RAD51B: variants seen among roughly 807,000 people sequenced by gnomAD.
RAD51B encodes the protein DNA repair protein RAD51 homolog 2.
In RAD51B, 38 loss-of-function variants were observed where a neutral mutation model predicts 42.2. That is an observed-to-expected ratio of 0.90 (90% CI 0.70 to 1.18). The LOEUF (loss-of-function observed/expected upper bound fraction) is 1.18. Among genes scored for constraint, RAD51B ranks in the 50% most tolerant of loss-of-function variants. The probability of loss-of-function intolerance (pLI) is 0.00; values close to 1 mark genes in which losing one functional copy is unlikely to be tolerated. For synonymous variants in RAD51B, 154 were observed against 145.2 expected (o/e 1.06, Z -0.43); for missense variants, 373 against 400.7 (o/e 0.93, Z 0.59).
At chr14:68,570,241 CA>C (rs1035771027) in intron 10 of RAD51B, among the ~76,000 whole-genome samples, 1 of 152,160 alleles carries the variant, frequency 6.6e-6, no homozygotes, top group African/African-American at 2.4e-5. Context: ...AGGGACTACC[CA>C]GAGGGCTGTC....
intron 8 of RAD51B, among the ~76,000 whole-genome samples, chr14:68,376,264 C>G (rs1297653258): frequency 1.3e-5 from 2 of 152,164 alleles, no homozygotes; most frequent in African/African-American, 4.8e-5. Flanking sequence ...TCTACGACCT[C>G]ATGAACCCAT....
chr14:68,613,536 T>C (rs1891755456), downstream of RAD51B, among the ~76,000 whole-genome samples: 1 of 151,396 alleles, frequency 6.6e-6, no homozygotes, highest in Non-Finnish European at 1.5e-5. Flanking sequence ...TCACTGCAAG[T>C]TCTGCCTCCC....
At chr14:68,503,778 C>T (rs1885088982) in intron 10 of RAD51B, among the ~76,000 whole-genome samples, 1 of 152,204 alleles carries the variant, frequency 6.6e-6, no homozygotes, top group East Asian at 1.9e-4. Flanking sequence ...ACGCAGGCCT[C>T]TTCCACCCTG....
chr14:68,571,098 A>G (rs981161547), intron 10 of RAD51B, among the ~76,000 whole-genome samples: 1 of 152,204 alleles, frequency 6.6e-6, no homozygotes, highest in African/African-American at 2.4e-5. Context: ...GGGGGGAGGC[A>G]GAGACTGTCA....
chr14:68,612,862 G>A (rs1285303545), downstream of RAD51B, among the ~76,000 whole-genome samples: 1 of 150,136 alleles, frequency 6.7e-6, no homozygotes, highest in African/African-American at 2.4e-5. Context: ...GGGAAGGGAG[G>A]AAGGGGGAGG....
At chr14:68,009,924 GT>G (rs1221255192) in intron 7 of RAD51B, among the ~76,000 whole-genome samples, 2 of 151,842 alleles carry the variant, frequency 1.3e-5, no homozygotes, top group Non-Finnish European at 2.9e-5. Flanking sequence ...GCTTGTGACT[GT>G]TTATTTCTAG....
intron 7 of RAD51B, among the ~76,000 whole-genome samples, chr14:67,900,629 A>AT: frequency 8.7e-6 from 1 of 115,482 alleles, no homozygotes; most frequent in African/African-American, 4.2e-5. Flanking sequence ...TGTGTGTCAT[A>AT]CACACACACA....
chr14:68,151,306 A>T lies in RAD51B; in HGVS notation c.757-140578A>T, dbSNP rs1218371338. ...TATCTTTGTTCCTCTGCATATATAT[A>T]TAATTTTTTTAATCTTGTTGTTTTT... On this transcript the variant is annotated intron_variant, in intron 7 of 10. Transcript: ENST00000471583. 2.0e-5 allele frequency among the ~76,000 whole-genome samples: 3 copies of T among 151,764 alleles called. No homozygotes were observed. The East Asian group carries it at 5.8e-4, about 29-fold the overall frequency.
chr14:68,639,298 G>T (rs1164991058), intron 10 of RAD51B, among the ~76,000 whole-genome samples: 1 of 152,230 alleles, frequency 6.6e-6, no homozygotes, highest in Non-Finnish European at 1.5e-5. Flanking sequence ...TCCTGAGTGA[G>T]GGGGGCTCTG....
chr14:67,910,859 T>A (rs2043955507), intron 7 of RAD51B, among the ~76,000 whole-genome samples: 1 of 151,704 alleles, frequency 6.6e-6, no homozygotes, highest in South Asian at 2.1e-4. Context: ...TTGCCCAGAC[T>A]GTAGTGCAGT....
At chr14:67,912,237 A>T (rs369272363) in intron 7 of RAD51B, among the ~76,000 whole-genome samples, 1 of 152,232 alleles carries the variant, frequency 6.6e-6, no homozygotes, top group Admixed American at 6.5e-5. Flanking sequence ...GGTGTGCTTT[A>T]TAGTGAGAAT....
intron 10 of RAD51B, among the ~76,000 whole-genome samples, chr14:68,488,572 C>T (rs1364928418): frequency 1.3e-5 from 2 of 152,208 alleles, no homozygotes; most frequent in African/African-American, 2.4e-5. Flanking sequence ...CCTTAATACC[C>T]TATCACCCTT....
At chr14:67,820,196 C>CT (rs2140266133) in intron 1 of RAD51B, among the ~76,000 whole-genome samples, 1 of 152,268 alleles carries the variant, frequency 6.6e-6, no homozygotes, top group Non-Finnish European at 1.5e-5. Flanking sequence ...TTGAGGGACT[C>CT]TCCCACTTCA....
At chr14:68,393,691 G>A (rs573002218) in intron 8 of RAD51B, among the ~76,000 whole-genome samples, 3 of 152,322 alleles carry the variant, frequency 2.0e-5, no homozygotes, top group Middle Eastern at 3.4e-3. Context: ...AGTGCAAAAC[G>A]TGGGGCTTGG....
intron 7 of RAD51B, among the ~76,000 whole-genome samples, chr14:68,194,035 C>G (rs2079318192): frequency 6.6e-6 from 1 of 152,180 alleles, no homozygotes; most frequent in African/African-American, 2.4e-5. Flanking sequence ...GGACCAATGA[C>G]AGTTATTGGA....
At chr14:68,536,335 A>G (rs1036816447) in intron 10 of RAD51B, among the ~76,000 whole-genome samples, 1 of 152,266 alleles carries the variant, frequency 6.6e-6, no homozygotes, top group African/African-American at 2.4e-5. Context: ...GTGCTCTGGC[A>G]GCCACCATTC....
intron 3 of RAD51B, among the ~76,000 whole-genome samples, chr14:67,827,713 C>A (rs557672371): frequency 6.6e-6 from 1 of 152,172 alleles, no homozygotes; most frequent in East Asian, 1.9e-4. Context: ...TCGTTCAGCT[C>A]CCACTTATAA....
At chr14:68,189,925 CA>C (rs1333483492) in intron 7 of RAD51B, among the ~76,000 whole-genome samples, 1 of 152,148 alleles carries the variant, frequency 6.6e-6, no homozygotes, top group African/African-American at 2.4e-5. Flanking sequence ...CTTAGCCTCC[CA>C]AAGTGCTGGG....
At chr14:68,067,930 T>TCA (rs1255105818) in intron 7 of RAD51B, among the ~76,000 whole-genome samples, 7 of 39,340 alleles carry the variant, frequency 1.8e-4, no homozygotes, top group African/African-American at 9.0e-4. Context: ...AGACTCCATC[T>TCA]CAAAAAAAAA....
Sources: gnomAD v4.1 joint callset for allele counts (sites outside exome capture counted in the v4.1 genomes callset) on GRCh38, gnomAD v4.1.1 for gene constraint, MANE v1.5 for transcripts, NCBI Gene and HGNC (gene_info 2026-07-23, HGNC 2026-07-21) for gene names.